SUPT3H: variants seen among roughly 807,000 people sequenced by gnomAD.
The protein encoded by SUPT3H is SPT3 homolog, SAGA and STAGA complex component.
SUPT3H carries 44 observed loss-of-function variants against 44.3 expected under a neutral mutation model. The ratio of observed to expected loss-of-function variants is 0.99; its 90% CI spans 0.78 to 1.28. The LOEUF (loss-of-function observed/expected upper bound fraction) is 1.28, where lower values mean the gene tolerates loss of function less well. Among genes scored for constraint, SUPT3H ranks in the 50% most tolerant of loss-of-function variants. The pLI is 0.00. For synonymous variants in SUPT3H, 124 were observed against 125.6 expected (o/e 0.99, Z 0.09); for missense variants, 380 against 387.1 (o/e 0.98, Z 0.15).
intron 4 of SUPT3H, among the ~76,000 whole-genome samples, chr6:45,019,844 TTTC>T (rs1784860272): frequency 2.0e-5 from 3 of 151,946 alleles, no homozygotes; most frequent in African/African-American, 7.2e-5. Flanking sequence ...AAATAATAAT[TTTC>T]TTAATAGTGA....
At chr6:45,376,582 A>T (rs1796807166) in intron 1 of SUPT3H, among the ~76,000 whole-genome samples, 1 of 152,220 alleles carries the variant, frequency 6.6e-6, no homozygotes, top group Non-Finnish European at 1.5e-5. Context: ...GCTAGTGAAA[A>T]GTGCAGCCCT....
chr6:44,981,510 T>A (rs1779088585), intron 6 of SUPT3H, among the ~76,000 whole-genome samples: 1 of 151,938 alleles, frequency 6.6e-6, no homozygotes, highest in Admixed American at 6.6e-5. Context: ...GGCAAATGAG[T>A]TTTAATCATA....
intron 10 of SUPT3H, among the ~76,000 whole-genome samples, chr6:44,874,896 T>G (rs993203357): frequency 1.4e-5 from 2 of 146,392 alleles, no homozygotes; most frequent in African/African-American, 5.1e-5. Flanking sequence ...GAACTCCCAT[T>G]CACAATTGCT....
At chr6:45,131,717 T>C (rs1231131125) in intron 2 of SUPT3H, among the ~76,000 whole-genome samples, 1 of 152,228 alleles carries the variant, frequency 6.6e-6, no homozygotes, top group South Asian at 2.1e-4. Flanking sequence ...TTAACTACTG[T>C]AATATAGCTA....
At chr6:44,902,940 T>C (rs1765342469) in intron 10 of SUPT3H, among the ~76,000 whole-genome samples, 1 of 152,058 alleles carries the variant, frequency 6.6e-6, no homozygotes. Flanking sequence ...ACTGGGTACA[T>C]CATGAAATGA....
chr6:45,298,845 T>C (rs1047891858), intron 2 of SUPT3H, among the ~76,000 whole-genome samples: 1 of 152,164 alleles, frequency 6.6e-6, no homozygotes, highest in South Asian at 2.1e-4. Flanking sequence ...ATCTTTTAAG[T>C]TCCTGTCAAC....
chr6:45,140,187 C>T (rs182842077), intron 2 of SUPT3H, among the ~76,000 whole-genome samples: 17 of 152,218 alleles, frequency 1.1e-4, no homozygotes, highest in African/African-American at 4.1e-4. Flanking sequence ...AAACCACCCC[C>T]TCCCCATCCT....
intron 3 of SUPT3H, among the ~76,000 whole-genome samples, chr6:45,021,640 TAACAC>T (rs2153518535): frequency 6.6e-6 from 1 of 152,126 alleles, no homozygotes; most frequent in South Asian, 2.1e-4. Context: ...AAGATAAACC[TAACAC>T]ATTTTCTTGA....
intron 2 of SUPT3H, among the ~76,000 whole-genome samples, chr6:45,363,039 G>C (rs1168983520): frequency 6.6e-6 from 1 of 151,156 alleles, no homozygotes; most frequent in African/African-American, 2.4e-5. Context: ...AATTTTTGTA[G>C]TCTTCTTCTT....
chr6:45,046,393 C>T (rs1449333024), intron 3 of SUPT3H, among the ~76,000 whole-genome samples: 5 of 152,064 alleles, frequency 3.3e-5, no homozygotes, highest in South Asian at 2.1e-4. Context: ...TGCAGTGGCA[C>T]GATCTCAGCT....
intron 10 of SUPT3H, among the ~76,000 whole-genome samples, chr6:44,915,136 A>C (rs1305816165): frequency 1.3e-5 from 2 of 152,162 alleles, no homozygotes; most frequent in African/African-American, 4.8e-5. Context: ...GAGTGGCAAA[A>C]TTCTCCCAAC....
chr6:45,321,869 T>A, intron 2 of SUPT3H: 3 of 1,587,756 alleles, frequency 1.9e-6, no homozygotes, highest in Non-Finnish European at 2.6e-6. Context: ...ATTATTTCTA[T>A]AGAATCTGTT....
At chr6:45,094,363 A>C (rs144931345) in intron 3 of SUPT3H, among the ~76,000 whole-genome samples, 43 of 152,290 alleles carry the variant, frequency 2.8e-4, no homozygotes, top group African/African-American at 1.0e-3. Flanking sequence ...GCTATTTTAT[A>C]TCTATGCTAA....
At chr6:45,135,600 T>C (rs911545972) in intron 2 of SUPT3H, among the ~76,000 whole-genome samples, 1 of 152,182 alleles carries the variant, frequency 6.6e-6, no homozygotes, top group Non-Finnish European at 1.5e-5. Flanking sequence ...CCTTTGCTAA[T>C]TTATAACAAG....
intron 10 of SUPT3H, among the ~76,000 whole-genome samples, chr6:44,864,310 C>G (rs1775141939): frequency 6.6e-6 from 1 of 152,220 alleles, no homozygotes; most frequent in Non-Finnish European, 1.5e-5. Flanking sequence ...AAAGGGGCTA[C>G]TGGCCCCATG....
intron 2 of SUPT3H, among the ~76,000 whole-genome samples, chr6:45,306,722 G>A (rs1057512405): frequency 2.6e-5 from 4 of 152,174 alleles, no homozygotes; most frequent in Admixed American, 1.3e-4. Context: ...CACAGAAGAC[G>A]GGTGATTTCT....
chr6:45,087,658 A>G (rs1334356089), intron 3 of SUPT3H, among the ~76,000 whole-genome samples: 1 of 151,834 alleles, frequency 6.6e-6, no homozygotes, highest in Non-Finnish European at 1.5e-5. Context: ...CTTAATTTAC[A>G]CCTAATAATA....
At chr6:45,064,204 A>T (rs1184377375) in intron 3 of SUPT3H, among the ~76,000 whole-genome samples, 1 of 137,970 alleles carries the variant, frequency 7.2e-6, no homozygotes, top group Non-Finnish European at 1.5e-5. Context: ...ATATCCAGCC[A>T]AACTAAGCTT....
chr6:45,004,552 T>A (rs1211409469), intron 5 of SUPT3H, among the ~76,000 whole-genome samples: 1 of 151,952 alleles, frequency 6.6e-6, no homozygotes, highest in Non-Finnish European at 1.5e-5. Context: ...AAAAGTTTTA[T>A]AAACATCTAT....
Sources: allele counts gnomAD v4.1 joint callset (sites outside exome capture counted in the v4.1 genomes callset), GRCh38; gene constraint gnomAD v4.1.1; transcripts MANE v1.5; gene names NCBI Gene and HGNC (gene_info 2026-07-23, HGNC 2026-07-21).